GLI3: variants seen among roughly 807,000 people sequenced by gnomAD.
GLI3 encodes the protein transcription activator GLI3.
Under a neutral mutation model 100.8 loss-of-function variants are expected in GLI3, and 20 were observed. That is an observed-to-expected ratio of 0.20 (90% CI 0.14 to 0.29). The LOEUF (loss-of-function observed/expected upper bound fraction) is 0.29. Ranked by LOEUF, GLI3 falls within the 10% of genes least tolerant of loss-of-function variation. GLI3 has a pLI of 1.00. For missense variants in GLI3, 2,040 were observed against 2,128.5 expected (o/e 0.96, Z 0.82); for synonymous variants, 938 against 860.5 (o/e 1.09, Z -1.58).
At chr7:42,085,069 G>A (rs951288748) in intron 3 of GLI3, among the ~76,000 whole-genome samples, 198 of 151,786 alleles carry the variant, frequency 1.3e-3, no homozygotes, top group African/African-American at 4.3e-3. Flanking sequence ...CCACCACCAC[G>A]CCCGGCTAAT....
chr7:42,014,374 C>T (rs1788698259), intron 10 of GLI3, among the ~76,000 whole-genome samples: 1 of 152,234 alleles, frequency 6.6e-6, no homozygotes. Flanking sequence ...TATCATACCA[C>T]TCTTCAACCA....
At chr7:42,080,609 C>T (rs564556307) in intron 3 of GLI3, among the ~76,000 whole-genome samples, 3 of 152,150 alleles carry the variant, frequency 2.0e-5, no homozygotes, top group Non-Finnish European at 4.4e-5. Flanking sequence ...CAATGGAACT[C>T]CCCTCTTCCA....
At chr7:42,255,341 T>C (rs1224554115) in intron 1 of GLI3, among the ~76,000 whole-genome samples, 2 of 152,212 alleles carry the variant, frequency 1.3e-5, no homozygotes, top group Non-Finnish European at 2.9e-5. Context: ...ATAATTTGCA[T>C]TCCATGAAAT....
chr7:41,967,827 C>A lies in GLI3; in HGVS notation c.2200G>T (p.Asp734Tyr), dbSNP rs140479817. 1 of 1,614,064 alleles carries A rather than the reference C, an allele frequency of 6.2e-7. No homozygotes were observed. Among genetic ancestry groups the A allele is most frequent in the Admixed American group, 1.7e-5 (1 of 60,026 alleles). The change falls in exon 14 of 15, where the codon GAT (aspartate) becomes TAT (tyrosine). Residue 734 changes from aspartate to tyrosine, a missense_variant. By Grantham distance (160) the Asp-to-Tyr change is radical (BLOSUM62 -3). This residue lies in a region of GLI3 where 327 missense variants were observed against 338.7 expected (regional missense o/e 0.97). Transcript: ENST00000395925. Reference sequence around the variant, plus strand: ...CTGAGGTCTCCTATACTACCTCCATCGGTCAGAGGAAGCTCGAGCCCACTG... The same window carrying A: ...CTGAGGTCTCCTATACTACCTCCATAGGTCAGAGGAAGCTCGAGCCCACTG... ...SNSGLELPLTDGGSIGDLSAI... is the reference protein window; with the variant it reads ...SNSGLELPLTYGGSIGDLSAI...
chr7:42,066,298 A>G (rs1784673262), intron 4 of GLI3, among the ~76,000 whole-genome samples: 1 of 152,110 alleles, frequency 6.6e-6, no homozygotes, highest in Admixed American at 6.5e-5. Flanking sequence ...TCTCTCCAAT[A>G]CACTCGGGGG....
At chr7:42,010,816 T>C (rs1287426179) in intron 10 of GLI3, among the ~76,000 whole-genome samples, 1 of 152,246 alleles carries the variant, frequency 6.6e-6, no homozygotes, top group Non-Finnish European at 1.5e-5. Context: ...CACTCACTAA[T>C]GAGTTTAGTG....
chr7:42,229,133 G>A (rs907680467), intron 1 of GLI3, among the ~76,000 whole-genome samples: 2 of 152,162 alleles, frequency 1.3e-5, no homozygotes, highest in Non-Finnish European at 2.9e-5. Flanking sequence ...GGGTGAAGTC[G>A]AACAGCATCC....
intron 14 of GLI3, 44 bp downstream of exon 14, chr7:41,967,552 A>G (rs985804110): frequency 1.5e-5 from 21 of 1,398,814 alleles, no homozygotes; most frequent in Non-Finnish European, 2.1e-5. Context: ...AAAAGAACAG[A>G]AAAAAAAACC....
intron 3 of GLI3, among the ~76,000 whole-genome samples, chr7:42,097,541 G>A (rs191112815): frequency 1.2e-3 from 178 of 152,352 alleles, no homozygotes; most frequent in African/African-American, 4.0e-3. Context: ...CCTGCCAGGA[G>A]CACGGGACCC....
chr7:42,023,698 A>T (rs1789015359), intron 9 of GLI3, 90 bp from the exon 10 acceptor site: 1 of 1,247,446 alleles, frequency 8.0e-7, no homozygotes, highest in Non-Finnish European at 1.2e-6. Flanking sequence ...GTAAAAACCC[A>T]ATTTAGATTT....
intron 13 of GLI3, among the ~76,000 whole-genome samples, chr7:41,968,137 G>A (rs1787240105): frequency 6.6e-6 from 1 of 152,206 alleles, no homozygotes; most frequent in Non-Finnish European, 1.5e-5. Flanking sequence ...ATGGAAAGCA[G>A]AGAATGCTAG....
intron 4 of GLI3, among the ~76,000 whole-genome samples, chr7:42,055,657 T>C (rs1784444886): frequency 6.6e-6 from 1 of 152,090 alleles, no homozygotes; most frequent in South Asian, 2.1e-4. Flanking sequence ...CCTCTGTACA[T>C]ACCCACTCCA....
At chr7:42,005,307 C>A (rs1035761910) in intron 10 of GLI3, among the ~76,000 whole-genome samples, 1 of 152,044 alleles carries the variant, frequency 6.6e-6, no homozygotes, top group Non-Finnish European at 1.5e-5. Context: ...CTTTGGTGAG[C>A]GTGGTCTCTT....
At chr7:41,986,901 A>T (rs1787841484) in intron 10 of GLI3, among the ~76,000 whole-genome samples, 1 of 145,212 alleles carries the variant, frequency 6.9e-6, no homozygotes, top group African/African-American at 2.6e-5. Context: ...ATACTTGGTG[A>T]TGAAGTCTGG....
chr7:42,233,373 T>G (rs552201872), intron 1 of GLI3, among the ~76,000 whole-genome samples: 20 of 152,336 alleles, frequency 1.3e-4, no homozygotes, highest in Non-Finnish European at 8.8e-5. Flanking sequence ...TCTACAGTGA[T>G]TTCAGCAAGA....
intron 2 of GLI3, 176 bp downstream of exon 2, chr7:42,222,954 A>C: frequency 1.4e-6 from 1 of 707,844 alleles, no homozygotes. Context: ...GAGTGCCAAA[A>C]TAGAGATTAC....
At chr7:42,003,261 T>A (rs1489435794) in intron 10 of GLI3, among the ~76,000 whole-genome samples, 1 of 152,136 alleles carries the variant, frequency 6.6e-6, no homozygotes, top group Non-Finnish European at 1.5e-5. Flanking sequence ...TCGAAGTGCA[T>A]GTATTATTTA....
intron 2 of GLI3, among the ~76,000 whole-genome samples, chr7:42,210,989 A>G (rs1788261115): frequency 6.6e-6 from 1 of 152,260 alleles, no homozygotes; most frequent in Non-Finnish European, 1.5e-5. Context: ...ATGTATGCTG[A>G]TATGTGTGTG....
At chr7:42,146,038 C>T (rs986555947) in intron 3 of GLI3, among the ~76,000 whole-genome samples, 1 of 152,154 alleles carries the variant, frequency 6.6e-6, no homozygotes, top group African/African-American at 2.4e-5. Context: ...GTCTTTAGGA[C>T]TTCCCATCCA....
Sources: gnomAD v4.1 joint callset for allele counts (sites outside exome capture counted in the v4.1 genomes callset) on GRCh38, gnomAD v4.1.1 for gene constraint, gnomAD v4.1.1 regional missense constraint, MANE v1.5 for transcripts, NCBI Gene and HGNC (gene_info 2026-07-23, HGNC 2026-07-21) for gene names.